Variants in MYO16 observed in about 807,000 individuals in gnomAD.
MYO16 encodes the protein unconventional myosin-XVI.
MYO16 carries 94 observed loss-of-function variants against 205.3 expected under a neutral mutation model. The ratio of observed to expected loss-of-function variants is 0.46; its 90% confidence interval spans 0.39 to 0.54. The LOEUF is 0.54. Among genes scored for constraint, MYO16 ranks in the 20% least tolerant of loss-of-function variants. The pLI is 0.00. For synonymous variants in MYO16, 988 were observed against 954.0 expected, an observed-to-expected ratio of 1.04 and a Z score of -0.66; for missense variants, 2,315 against 2,387.5, an observed-to-expected ratio of 0.97 and a Z score of 0.63.
chr13:108,624,078 T>TA (rs571049668), intron 1 of MYO16, among the ~76,000 whole-genome samples: 3 of 152,180 alleles, frequency 2.0e-5, no homozygotes, highest in Non-Finnish European at 4.4e-5. Context: ...ATATTTTGTT[T>TA]AAAAAATCCA....
chr13:108,583,861 T>G, the MYO16 span, among the ~76,000 whole-genome samples: 1 of 152,196 alleles, frequency 6.6e-6, no homozygotes, highest in Non-Finnish European at 1.5e-5. Flanking sequence ...CATGCAGTCT[T>G]TTAAAACTGT....
At chr13:108,624,529 C>G (rs1368238863) in intron 1 of MYO16, among the ~76,000 whole-genome samples, 2 of 152,102 alleles carry the variant, frequency 1.3e-5, no homozygotes, top group Non-Finnish European at 1.5e-5. Context: ...AAACTTTTGT[C>G]CAAGGTCAAA....
chr13:108,759,793 C>G (rs1475716546), intron 4 of MYO16, among the ~76,000 whole-genome samples: 1 of 148,376 alleles, frequency 6.7e-6, no homozygotes, highest in African/African-American at 2.5e-5. Flanking sequence ...GCACTCCAGC[C>G]TGGGCGACAC....
At chr13:108,760,072 A>G (rs1885555213) in intron 4 of MYO16, among the ~76,000 whole-genome samples, 1 of 152,152 alleles carries the variant, frequency 6.6e-6, no homozygotes. Flanking sequence ...GGAGATTGAA[A>G]TTCTTCTTTT....
the MYO16 span, among the ~76,000 whole-genome samples, chr13:108,542,215 G>A: frequency 1.3e-5 from 2 of 151,858 alleles, no homozygotes; most frequent in Non-Finnish European, 2.9e-5. Flanking sequence ...AACTAACACA[G>A]AAACAAACAA....
At chr13:109,050,978 T>G (rs192831386) in intron 24 of MYO16, among the ~76,000 whole-genome samples, 6 of 152,272 alleles carry the variant, frequency 3.9e-5, no homozygotes, top group Non-Finnish European at 8.8e-5. Context: ...TTGATTTATC[T>G]TAGAAAAGAA....
rs200431066 is a variant in MYO16, at chr13:109,206,633, G to A, written c.5440G>A (p.Glu1814Lys). ...TQVIHQLRLS[E>K]NESVALQELL... ...GGTAATCCATCAGCTGAGGCTCTCAGAGAATGAAAGTGTGGCCCTGCAGGA... is the reference window on the plus strand; with the variant it reads ...GGTAATCCATCAGCTGAGGCTCTCAAAGAATGAAAGTGTGGCCCTGCAGGA... The change falls in exon 35 of 35, where the codon GAG becomes AAG. Residue 1814 changes from glutamate (E) to lysine (K), a missense_variant. Physicochemically the swap from Glu to Lys is moderately conservative, Grantham distance 56. Around this residue, in one of 3 missense-constraint regions of MYO16, gnomAD observed 1,097 missense variants for 1,092.0 expected, o/e 1.00. Transcript: ENST00000457511. 1.9e-6 allele frequency: 3 copies of A among 1,613,620 alleles called. No individual in the cohort carries two copies. The highest frequency in any genetic ancestry group is 2.5e-6 in the Non-Finnish European group (3 of 1,179,574).
intron 12 of MYO16, among the ~76,000 whole-genome samples, chr13:108,871,236 A>T (rs751273987): frequency 1.3e-5 from 2 of 151,512 alleles, no homozygotes; most frequent in Admixed American, 6.6e-5. Context: ...CTTCGTCTTC[A>T]TCATGCCACT....
At chr13:109,024,000 ATAG>A (rs1222414299) in intron 23 of MYO16, among the ~76,000 whole-genome samples, 1 of 101,880 alleles carries the variant, frequency 9.8e-6, no homozygotes, top group East Asian at 4.3e-4. Flanking sequence ...ATATGTATAT[ATAG>A]AAATATTATA....
the MYO16 span, among the ~76,000 whole-genome samples, chr13:108,499,196 T>A: frequency 6.6e-6 from 1 of 152,228 alleles, no homozygotes; most frequent in Non-Finnish European, 1.5e-5. Context: ...GCTAAATAAT[T>A]TTCAGACAAC....
At position 108,853,106 on chromosome 13, in the gene MYO16, C is replaced by T. The variant is rs482631; in HGVS notation, c.1249-2337C>T. On this transcript the variant is annotated intron_variant, in intron 10 of 34. Coordinates refer to ENST00000457511, the MANE Select transcript of MYO16 (RefSeq NM_001198950.3). ...CCTGGATCAAGACCACCAGTTCCTT[C>T]GCCTAAGGGCTACGCCGAAGGCAGC... 6.9e-3 allele frequency among the ~76,000 whole-genome samples: 1,047 copies of T among 152,340 alleles called. 6 individuals carry two copies. Among genetic ancestry groups the T allele is most frequent in the African/African-American group, 0.024 (1,004 of 41,572 alleles).
At chr13:109,135,073 T>A (rs1440325567) in intron 31 of MYO16, among the ~76,000 whole-genome samples, 1 of 152,124 alleles carries the variant, frequency 6.6e-6, no homozygotes, top group Non-Finnish European at 1.5e-5. Context: ...GCGCCTCAAG[T>A]GTGTCCTCTT....
At chr13:109,171,780 T>G (rs1158164747) in intron 33 of MYO16, among the ~76,000 whole-genome samples, 3 of 152,246 alleles carry the variant, frequency 2.0e-5, no homozygotes, top group African/African-American at 7.2e-5. Flanking sequence ...TATTATTTTC[T>G]TTCTTGCTAT....
intron 23 of MYO16, chr13:109,028,365 A>T: frequency 3.5e-6 from 1 of 281,792 alleles, no homozygotes; most frequent in South Asian, 3.5e-5. Context: ...AACAGAAAAC[A>T]AAATGTTTTA....
At chr13:109,144,640 T>G (rs1039791753) in intron 32 of MYO16, among the ~76,000 whole-genome samples, 19 of 152,374 alleles carry the variant, frequency 1.2e-4, no homozygotes, top group African/African-American at 4.3e-4. Flanking sequence ...GAAATAGCTT[T>G]CTTACCAAAT....
intron 5 of MYO16, among the ~76,000 whole-genome samples, chr13:108,786,965 A>G (rs2138926912): frequency 6.6e-6 from 1 of 152,362 alleles, no homozygotes; most frequent in South Asian, 2.1e-4. Flanking sequence ...ATGAAGCTTG[A>G]AGTTATACAG....
At chr13:108,537,881 T>C in the MYO16 span, among the ~76,000 whole-genome samples, 1 of 152,094 alleles carries the variant, frequency 6.6e-6, no homozygotes, top group African/African-American at 2.4e-5. Context: ...TCTTGTTGAG[T>C]TGTTTAAATT....
chr13:109,023,431 T>G (rs1425321562), intron 23 of MYO16, among the ~76,000 whole-genome samples: 2 of 72,872 alleles, frequency 2.7e-5, no homozygotes, highest in East Asian at 8.8e-4. Context: ...AATATATATT[T>G]ATATATTATA....
At chr13:109,196,680 G>A (rs1880171205) in intron 34 of MYO16, among the ~76,000 whole-genome samples, 1 of 152,106 alleles carries the variant, frequency 6.6e-6, no homozygotes, top group Non-Finnish European at 1.5e-5. Flanking sequence ...CACCCTAAGG[G>A]CTCCAGTAAT....
Sources: allele counts gnomAD v4.1 joint callset (sites outside exome capture counted in the v4.1 genomes callset), GRCh38; gene constraint gnomAD v4.1.1; regional missense constraint gnomAD v4.1.1; transcripts MANE v1.5; gene names NCBI Gene and HGNC (gene_info 2026-07-23, HGNC 2026-07-21).